CDKAL1: variants seen among roughly 807,000 people sequenced by gnomAD.
The protein encoded by CDKAL1 is CDKAL1 threonylcarbamoyladenosine tRNA methylthiotransferase.
CDKAL1 carries 32 observed loss-of-function variants against 68.2 expected under a neutral mutation model. The observed-to-expected ratio is 0.47, with a 90% CI of 0.35 to 0.63. The LOEUF (loss-of-function observed/expected upper bound fraction) is 0.63. Ranked by LOEUF, CDKAL1 falls within the 30% of genes least tolerant of loss-of-function variation. The pLI, the probability that CDKAL1 is intolerant of heterozygous loss-of-function variation, is 0.00. For missense variants in CDKAL1, 606 were observed against 696.7 expected (o/e 0.87, Z 1.47); for synonymous variants, 234 against 244.3 (o/e 0.96, Z 0.39).
chr6:21,055,799 C>A (rs1303840699), intron 11 of CDKAL1, among the ~76,000 whole-genome samples: 1 of 152,078 alleles, frequency 6.6e-6, no homozygotes, highest in East Asian at 1.9e-4. Flanking sequence ...GATTCCATGT[C>A]TTTGCTATGG....
At chr6:20,741,686 A>G (rs890780583) in intron 6 of CDKAL1, among the ~76,000 whole-genome samples, 4 of 152,050 alleles carry the variant, frequency 2.6e-5, no homozygotes, top group African/African-American at 9.7e-5. Flanking sequence ...TCCATAGTGT[A>G]TATGTACCAC....
At chr6:21,165,570 T>C (rs1259339575) in intron 13 of CDKAL1, among the ~76,000 whole-genome samples, 1 of 152,236 alleles carries the variant, frequency 6.6e-6, no homozygotes, top group Admixed American at 6.5e-5. Flanking sequence ...ATGCTCTGAT[T>C]TGAGAGCTCG....
intron 7 of CDKAL1, among the ~76,000 whole-genome samples, chr6:20,769,414 A>G (rs959962005): frequency 6.6e-6 from 1 of 151,884 alleles, no homozygotes; most frequent in Non-Finnish European, 1.5e-5. Flanking sequence ...ATGCACCACT[A>G]TGCTTGGCTT....
chr6:21,016,575 C>T (rs1768347477), intron 11 of CDKAL1, among the ~76,000 whole-genome samples: 1 of 151,890 alleles, frequency 6.6e-6, no homozygotes, highest in African/African-American at 2.4e-5. Context: ...TAAATCAATT[C>T]ATTTCAGTCA....
intron 6 of CDKAL1, among the ~76,000 whole-genome samples, 163 bp from the exon 7 acceptor site, chr6:20,758,432 A>C (rs1354807967): frequency 6.6e-6 from 1 of 152,212 alleles, no homozygotes; most frequent in East Asian, 1.9e-4. Flanking sequence ...TTGAAACACA[A>C]AATATTAATA....
intron 11 of CDKAL1, among the ~76,000 whole-genome samples, chr6:21,004,541 A>G (rs1767621849): frequency 6.6e-6 from 1 of 152,248 alleles, no homozygotes; most frequent in African/African-American, 2.4e-5. Flanking sequence ...CCAATTGAAC[A>G]TTAACTGAGT....
chr6:20,806,462 CA>C (rs1345909685), intron 8 of CDKAL1, among the ~76,000 whole-genome samples: 2 of 152,058 alleles, frequency 1.3e-5, no homozygotes, highest in South Asian at 4.1e-4. Context: ...TATGGTAAAA[CA>C]ATTTATATTC....
At chr6:21,219,932 T>A (rs1779474017) in intron 15 of CDKAL1, among the ~76,000 whole-genome samples, 1 of 152,222 alleles carries the variant, frequency 6.6e-6, no homozygotes, top group Non-Finnish European at 1.5e-5. Flanking sequence ...CTGTGTGCGC[T>A]GCATGGAATG....
intron 8 of CDKAL1, among the ~76,000 whole-genome samples, chr6:20,814,513 C>T (rs1029145736): frequency 7.2e-5 from 11 of 152,176 alleles, no homozygotes; most frequent in African/African-American, 1.9e-4. Flanking sequence ...CTCCTGGCTT[C>T]GGGTGATCCA....
At chr6:20,883,385 T>G (rs10946416) in intron 9 of CDKAL1, among the ~76,000 whole-genome samples, 112,457 of 152,100 alleles carry the variant, frequency 0.74, 41,783 homozygotes, top group East Asian at 0.81. Flanking sequence ...TGGTTCCCAA[T>G]ATTCTTACCC....
At chr6:21,190,187 A>G (rs1778178207) in intron 13 of CDKAL1, among the ~76,000 whole-genome samples, 1 of 152,158 alleles carries the variant, frequency 6.6e-6, no homozygotes, top group East Asian at 1.9e-4. Context: ...CATTTCCCAG[A>G]GTCATACATT....
chr6:20,867,013 G>A (rs1226143663), intron 9 of CDKAL1, among the ~76,000 whole-genome samples: 1 of 152,106 alleles, frequency 6.6e-6, no homozygotes, highest in Non-Finnish European at 1.5e-5. Flanking sequence ...TTAACATTCA[G>A]GACCAAGCAT....
intron 9 of CDKAL1, among the ~76,000 whole-genome samples, chr6:20,860,889 A>T (rs1341875682): frequency 6.6e-6 from 1 of 150,588 alleles, no homozygotes; most frequent in Non-Finnish European, 1.5e-5. Context: ...ATAGAATCCT[A>T]TGGAATTTAG....
intron 5 of CDKAL1, among the ~76,000 whole-genome samples, chr6:20,702,203 C>T (rs947095928): frequency 1.3e-5 from 2 of 152,168 alleles, no homozygotes; most frequent in Admixed American, 1.3e-4. Context: ...TCCCACTGCT[C>T]GAACCTCTAG....
At chr6:21,120,558 C>A (rs1456015589) in intron 13 of CDKAL1, among the ~76,000 whole-genome samples, 5 of 152,208 alleles carry the variant, frequency 3.3e-5, no homozygotes, top group Non-Finnish European at 7.3e-5. Context: ...CCCCTGTTTT[C>A]TTCTCCAGAG....
intron 4 of CDKAL1, among the ~76,000 whole-genome samples, chr6:20,626,480 G>A (rs930775222): frequency 3.9e-5 from 6 of 152,090 alleles, no homozygotes; most frequent in Non-Finnish European, 5.9e-5. Flanking sequence ...TGTTATGAAA[G>A]TACTAAAAGG....
At chr6:21,186,884 G>C (rs1188793578) in intron 13 of CDKAL1, among the ~76,000 whole-genome samples, 1 of 151,744 alleles carries the variant, frequency 6.6e-6, no homozygotes, top group Non-Finnish European at 1.5e-5. Flanking sequence ...ATAAAAATAT[G>C]GTATCAACCA....
chr6:21,010,091 C>T (rs986098036), intron 11 of CDKAL1, among the ~76,000 whole-genome samples: 1 of 152,140 alleles, frequency 6.6e-6, no homozygotes, highest in African/African-American at 2.4e-5. Context: ...TATCAAAATA[C>T]CACATATACC....
intron 11 of CDKAL1, among the ~76,000 whole-genome samples, chr6:21,054,668 A>T (rs903169175): frequency 3.9e-5 from 6 of 152,154 alleles, no homozygotes; most frequent in African/African-American, 1.4e-4. Context: ...CTCTCAGTTT[A>T]TGGCATACAA....
Sources: allele counts gnomAD v4.1 joint callset (sites outside exome capture counted in the v4.1 genomes callset), GRCh38; gene constraint gnomAD v4.1.1; transcripts MANE v1.5; gene names NCBI Gene and HGNC (gene_info 2026-07-23, HGNC 2026-07-21).